The following TMEM114 variants were observed in gnomAD, a reference collection of about 807,000 sequenced individuals.
TMEM114 encodes claudin-26.
Under a neutral mutation model 6.2 loss-of-function variants are expected in TMEM114, and 6 were observed. That is an observed-to-expected ratio of 0.97 (90% confidence interval 0.53 to 1.91). The LOEUF (loss-of-function observed/expected upper bound fraction) is 1.91, where lower values mean the gene tolerates loss of function less well. TMEM114 is among the 40% of genes most tolerant of loss of function. TMEM114 has a pLI of 0.01. For missense variants in TMEM114, 218 were observed against 158.3 expected, an observed-to-expected ratio of 1.38 and a Z score of -2.02; for synonymous variants, 104 against 73.0, an observed-to-expected ratio of 1.42 and a Z score of -2.16.
intron 2 of TMEM114, among the ~76,000 whole-genome samples, chr16:8,545,773 T>A (rs929041477): frequency 6.6e-6 from 1 of 152,216 alleles, no homozygotes; most frequent in Non-Finnish European, 1.5e-5. Context: ...TTTCATTGGT[T>A]TCTTACATAT....
chr16:8,527,391 G>T, the TMEM114 span, among the ~76,000 whole-genome samples: 1 of 152,148 alleles, frequency 6.6e-6, no homozygotes, highest in Non-Finnish European at 1.5e-5. Context: ...GCCTGTTAGT[G>T]TCTGTGTGCT....
intron 2 of TMEM114, among the ~76,000 whole-genome samples, chr16:8,578,874 G>T (rs893043838): frequency 3.3e-5 from 5 of 152,170 alleles, no homozygotes; most frequent in Non-Finnish European, 2.9e-5. Context: ...TGCTACTTGG[G>T]AGGCTGAGGC....
In TMEM114 at chr16:8,569,807, A is replaced by C. The variant is rs769407146; in HGVS notation, c.638T>G (p.Leu213Arg). The C allele has an allele frequency of 3.0e-5, 46 of 1,550,644 alleles. No individual in the cohort carries two copies. In the Middle Eastern group the frequency reaches 5.0e-4, roughly 17 times the overall value. ...GAAFLAAARE[L>R]SLRRRQDQAI ...CTGGTCCTGCCTCCGTCTCAGGCTG[A>C]GCTCGCGGGCTGCTGCCAGGAAGGC... Residue 213 changes from leucine (L) to arginine (R), a missense_variant, in exon 4 of 4, where the codon CTC (leucine) becomes CGC (arginine). Coordinates refer to ENST00000620492, the MANE Select transcript of TMEM114 (RefSeq NM_001146336.2).
chr16:8,562,388 ATGAG>A (rs1238604159), intron 2 of TMEM114, among the ~76,000 whole-genome samples: 5 of 132,140 alleles, frequency 3.8e-5, no homozygotes, highest in South Asian at 5.2e-4. Flanking sequence ...GAGTGAGGGA[ATGAG>A]TGAGTGAGTG....
intron 2 of TMEM114, among the ~76,000 whole-genome samples, chr16:8,555,323 C>T (rs997682019): frequency 1.3e-5 from 2 of 152,228 alleles, no homozygotes; most frequent in African/African-American, 4.8e-5. Flanking sequence ...TCCGTGACTG[C>T]TCCTGCAAGA....
chr16:8,552,367 G>A (rs918321509), intron 2 of TMEM114, among the ~76,000 whole-genome samples: 6 of 151,954 alleles, frequency 3.9e-5, no homozygotes, highest in African/African-American at 1.5e-4. Flanking sequence ...CTGAACCACA[G>A]AGTGAGACTC....
intron 2 of TMEM114, among the ~76,000 whole-genome samples, chr16:8,579,965 G>A (rs889936764): frequency 5.3e-5 from 8 of 152,118 alleles, no homozygotes; most frequent in Admixed American, 5.2e-4. Context: ...AGACAGTGAG[G>A]CGTTAACTGG....
At chr16:8,530,461 A>T in the TMEM114 span, among the ~76,000 whole-genome samples, 1 of 152,142 alleles carries the variant, frequency 6.6e-6, no homozygotes, top group African/African-American at 2.4e-5. Context: ...GAAGGACTAG[A>T]CTGGGAAGCA....
intron 2 of TMEM114, among the ~76,000 whole-genome samples, chr16:8,544,699 G>A (rs1417339550): frequency 6.6e-6 from 1 of 152,174 alleles, no homozygotes; most frequent in Admixed American, 6.5e-5. Context: ...AGATTTCATG[G>A]CAGTAGTCTC....
At chr16:8,531,306 G>A in the TMEM114 span, among the ~76,000 whole-genome samples, 2 of 152,130 alleles carry the variant, frequency 1.3e-5, no homozygotes, top group African/African-American at 4.8e-5. Context: ...AATTTGCATT[G>A]CAAAATTCAA....
intron 2 of TMEM114, among the ~76,000 whole-genome samples, chr16:8,554,398 A>G (rs1272059745): frequency 1.3e-5 from 2 of 151,894 alleles, no homozygotes; most frequent in African/African-American, 4.8e-5. Context: ...GTCTCTAATA[A>G]TAATAATAAT....
In TMEM114 at chr16:8,569,796, G is replaced by C; in HGVS notation, c.649C>G (p.Arg217Gly). The C allele has an allele frequency of 6.4e-7, 1 of 1,550,648 alleles. No individual in the cohort carries two copies. The highest frequency in any genetic ancestry group is 2.4e-5 in the East Asian group (1 of 40,894). The change falls in exon 4 of 4, where the codon CGG becomes GGG. Residue 217 changes from arginine (R) to glycine (G), a missense_variant. Arg to Gly is a moderately radical substitution (Grantham distance 125, BLOSUM62 -2). Coordinates refer to ENST00000620492, the MANE Select transcript of TMEM114 (RefSeq NM_001146336.2). ...LAAARELSLR[R>G]RQDQAI ...GCTCATATGGCCTGGTCCTGCCTCCGTCTCAGGCTGAGCTCGCGGGCTGCT... is the reference window on the plus strand; with the variant it reads ...GCTCATATGGCCTGGTCCTGCCTCCCTCTCAGGCTGAGCTCGCGGGCTGCT...
chr16:8,551,139 A>G (rs1359365749), intron 2 of TMEM114, among the ~76,000 whole-genome samples: 1 of 152,144 alleles, frequency 6.6e-6, no homozygotes, highest in East Asian at 1.9e-4. Flanking sequence ...TTTTTTCTCC[A>G]AAGAAAGGAT....
chr16:8,569,366 G>A (rs537582125), downstream of TMEM114: 14 of 747,134 alleles, frequency 1.9e-5, no homozygotes, highest in East Asian at 1.3e-3. Flanking sequence ...AGAGCTGAAC[G>A]CATTACAGGG....
At chr16:8,562,153 T>TGACTG (rs1174493467) in intron 2 of TMEM114, among the ~76,000 whole-genome samples, 1 of 150,940 alleles carries the variant, frequency 6.6e-6, no homozygotes, top group Non-Finnish European at 1.5e-5. Context: ...AGTTAGTGAA[T>TGACTG]AAGTGAGTTA....
At chr16:8,556,361 G>T (rs1313782162) in intron 2 of TMEM114, among the ~76,000 whole-genome samples, 2 of 152,212 alleles carry the variant, frequency 1.3e-5, no homozygotes, top group African/African-American at 4.8e-5. Flanking sequence ...GTTTCCTTTT[G>T]GGTTGAAAAG....
chr16:8,581,286 A>T (rs910269525), intron 2 of TMEM114, among the ~76,000 whole-genome samples: 1 of 152,190 alleles, frequency 6.6e-6, no homozygotes, highest in Non-Finnish European at 1.5e-5. Context: ...ATGCATTAGT[A>T]TATTCTTTTT....
intron 2 of TMEM114, among the ~76,000 whole-genome samples, chr16:8,558,237 G>C (rs573692403): frequency 6.6e-6 from 1 of 152,248 alleles, no homozygotes; most frequent in East Asian, 1.9e-4. Context: ...AACAGAATGA[G>C]AGTCTGTCTC....
intron 2 of TMEM114, among the ~76,000 whole-genome samples, chr16:8,581,719 G>C (rs772407133): frequency 5.9e-5 from 9 of 152,268 alleles, no homozygotes; most frequent in Non-Finnish European, 1.3e-4. Flanking sequence ...CTCCCAAATT[G>C]CTGGGATTAC....
Sources: gnomAD v4.1 joint callset for allele counts (sites outside exome capture counted in the v4.1 genomes callset) on GRCh38, gnomAD v4.1.1 for gene constraint, MANE v1.5 for transcripts, NCBI Gene and HGNC (gene_info 2026-07-23, HGNC 2026-07-21) for gene names.